Variants in ZW10 observed in about 807,000 individuals in gnomAD.
The protein encoded by ZW10 is centromere/kinetochore protein zw10 homolog.
A neutral mutation model predicts 87.8 loss-of-function variants in ZW10; 53 were observed. The ratio of observed to expected loss-of-function variants is 0.60; its 90% confidence interval spans 0.48 to 0.76. The LOEUF is 0.76. Among genes scored for constraint, ZW10 ranks in the 30% least tolerant of loss-of-function variants. The probability of loss-of-function intolerance (pLI) is 0.00; values close to 1 mark genes in which losing one functional copy is unlikely to be tolerated. For missense variants in ZW10, 837 were observed against 923.0 expected, an observed-to-expected ratio of 0.91 and a Z score of 1.21; for synonymous variants, 312 against 329.2, an observed-to-expected ratio of 0.95 and a Z score of 0.57.
chr11:113,751,643 G>A (rs1453708700), intron 7 of ZW10, among the ~76,000 whole-genome samples: 1 of 152,226 alleles, frequency 6.6e-6, no homozygotes, highest in Non-Finnish European at 1.5e-5. Flanking sequence ...TGGGAGCCAA[G>A]GAGGGCAGAT....
intron 1 of ZW10, chr11:113,770,018 G>T: frequency 5.7e-6 from 1 of 174,926 alleles, no homozygotes; most frequent in South Asian, 1.4e-4. Context: ...CAAAACAAAT[G>T]AGGACTGGTT....
At chr11:113,737,335 T>C (rs1953564643) in intron 14 of ZW10, among the ~76,000 whole-genome samples, 1 of 152,170 alleles carries the variant, frequency 6.6e-6, no homozygotes, top group Admixed American at 6.6e-5. Context: ...ACCCAGTTTC[T>C]AACTTCCTCA....
chr11:113,760,633 A>C (rs1953847477), intron 3 of ZW10, 43 bp from the exon 4 acceptor site: 1 of 1,510,168 alleles, frequency 6.6e-7, no homozygotes, highest in African/African-American at 1.4e-5. Context: ...TATTATTTCA[A>C]GTCTGTTTGC....
chr11:113,733,893 C>T, intron 15 of ZW10, 79 bp from the exon 16 acceptor site: 1 of 1,466,902 alleles, frequency 6.8e-7, no homozygotes, highest in Non-Finnish European at 9.1e-7. Flanking sequence ...CCTGTTTGAT[C>T]CAAATGCTTA....
chr11:113,739,157 C>T, intron 12 of ZW10, 56 bp downstream of exon 12: 2 of 1,580,662 alleles, frequency 1.3e-6, no homozygotes, highest in Non-Finnish European at 1.7e-6. Context: ...TATAAAGATA[C>T]TATGTTGACA....
intron 9 of ZW10, among the ~76,000 whole-genome samples, chr11:113,747,312 G>A (rs1013447825): frequency 3.3e-5 from 5 of 152,074 alleles, no homozygotes; most frequent in Admixed American, 1.3e-4. Flanking sequence ...ATTTATACAA[G>A]GCTTTCATGT....
At chr11:113,743,712 A>C in intron 10 of ZW10, 90 bp downstream of exon 10, 1 of 1,078,592 alleles carries the variant, frequency 9.3e-7, no homozygotes, top group Non-Finnish European at 1.4e-6. Flanking sequence ...TGAAAACCCA[A>C]AGAATTCCAG....
rs756500029 is a variant in ZW10 at position 113,760,366 on chromosome 11, T to G, written c.423A>C (p.Ala141=). The G allele has an allele frequency of 6.2e-7, 1 of 1,613,716 alleles. No individual in the cohort carries two copies. The highest frequency in any genetic ancestry group is 8.5e-7 in the Non-Finnish European group (1 of 1,179,978). The change falls in exon 5 of 16, where the codon GCA becomes GCC. Residue 141 remains alanine, a splice_region_variant and synonymous_variant. Transcript: ENST00000200135. ...YVTGAQRLEE[A]QKCLKLLKSR... is the part of the protein sequence containing the mutation. ...ATTTTAATAACTTCAAGCATTTCTGTGCCTGGTAACGAAATGGAATCACTG... is the reference window on the plus strand; with the variant it reads ...ATTTTAATAACTTCAAGCATTTCTGGGCCTGGTAACGAAATGGAATCACTG...
intron 1 of ZW10, among the ~76,000 whole-genome samples, 191 bp from the exon 2 acceptor site, chr11:113,769,158 T>A (rs886184041): frequency 6.6e-6 from 1 of 151,884 alleles, no homozygotes; most frequent in Non-Finnish European, 1.5e-5. Context: ...AGGGGTCTCA[T>A]AACATTATTA....
rs757627694 is a variant in ZW10 at position 113,747,720 on chromosome 11, T to C, written c.1090-7A>G. The stretch of plus-strand genomic sequence containing the variant: ...CTTCAGTGGACTGTATGATCTGAGA[T>C]ACAAAAGAAAAAAAAGAAAAGAATC... On this transcript the variant is annotated splice_polypyrimidine_tract_variant and splice_region_variant and intron_variant, in intron 8 of 15. Transcript: ENST00000200135. The C allele has an allele frequency of 3.2e-6, 5 of 1,570,530 alleles. 1 individual carries two copies. The South Asian group carries it at 4.7e-5, about 15-fold the overall frequency.
In ZW10 at chr11:113,733,441, G is replaced by A. The variant is rs1333980392; in HGVS notation, c.*253C>T. The A allele has an allele frequency of 2.2e-6, 1 of 465,106 alleles. No individual in the cohort carries two copies. The highest frequency in any genetic ancestry group is 3.8e-6 in the Non-Finnish European group (1 of 261,866). The allele number at this position is 465,106 out of a possible 1,614,324, so 28.8% of individuals were successfully genotyped here. A position where few individuals can be genotyped will look rare whatever the true frequency, so the allele number is the denominator to read the frequency against. On this transcript the variant is annotated 3_prime_UTR_variant, in exon 16 of 16. Coordinates refer to ENST00000200135, the MANE Select transcript of ZW10 (RefSeq NM_004724.4). ...ATGAAATAATGCTGCCTGACAGTTT[G>A]TTAGCTAATCAAAGGAAGATGGCTA...
chr11:113,756,245 G>C (rs1953783694), intron 7 of ZW10, among the ~76,000 whole-genome samples: 1 of 152,100 alleles, frequency 6.6e-6, no homozygotes, highest in African/African-American at 2.4e-5. Context: ...CCATCTGCAA[G>C]ATAAGAGAGG....
chr11:113,760,955 T>C lies in ZW10; in HGVS notation c.241-37A>G, dbSNP rs764071444. The C allele has an allele frequency of 2.0e-6, 3 of 1,526,784 alleles. No individual in the cohort carries two copies. The Admixed American group carries it at 5.5e-5, about 28-fold the overall frequency. The allele number at this position is 1,526,784 out of a possible 1,614,324, so 94.6% of individuals were successfully genotyped here. On this transcript the variant is annotated intron_variant, in intron 2 of 15. Coordinates refer to ENST00000200135, the MANE Select transcript of ZW10 (RefSeq NM_004724.4). ...ATCAAAAACAAGTACTTTTAAGCTATACCATACCTAAGAAATAAAAAATTT... is the reference window on the plus strand; with the variant it reads ...ATCAAAAACAAGTACTTTTAAGCTACACCATACCTAAGAAATAAAAAATTT...
intron 2 of ZW10, among the ~76,000 whole-genome samples, chr11:113,766,932 G>A (rs894412434): frequency 1.3e-5 from 2 of 152,010 alleles, no homozygotes; most frequent in Admixed American, 6.5e-5. Flanking sequence ...CAGGAGAATT[G>A]CTTGAACCCA....
chr11:113,769,984 G>T, intron 1 of ZW10: 1 of 201,694 alleles, frequency 5.0e-6, no homozygotes. Flanking sequence ...TGGCTTCACA[G>T]CCCCAAAACA....
intron 14 of ZW10, among the ~76,000 whole-genome samples, 163 bp downstream of exon 14, chr11:113,737,409 C>T (rs1319148936): frequency 6.7e-6 from 1 of 148,908 alleles, no homozygotes. Context: ...AGAGATTAAA[C>T]AGTTTCTAGC....
At chr11:113,766,819 C>T (rs1164247299) in intron 2 of ZW10, among the ~76,000 whole-genome samples, 1 of 148,998 alleles carries the variant, frequency 6.7e-6, no homozygotes, top group Non-Finnish European at 1.5e-5. Context: ...GAGTTTGAGA[C>T]TAGTCTGGCC....
chr11:113,740,816 C>T (rs1017448647), intron 11 of ZW10, among the ~76,000 whole-genome samples: 5 of 152,174 alleles, frequency 3.3e-5, no homozygotes, highest in South Asian at 2.1e-4. Flanking sequence ...AAGACTTCCA[C>T]GTGATTCTGA....
At chr11:113,735,587 G>T (rs1953542987) in intron 15 of ZW10, among the ~76,000 whole-genome samples, 1 of 152,014 alleles carries the variant, frequency 6.6e-6, no homozygotes, top group South Asian at 2.1e-4. Context: ...TACCTATAGG[G>T]ATGGAGATGA....
Sources: allele counts gnomAD v4.1 joint callset (sites outside exome capture counted in the v4.1 genomes callset), GRCh38; gene constraint gnomAD v4.1.1; transcripts MANE v1.5; gene names NCBI Gene and HGNC (gene_info 2026-07-23, HGNC 2026-07-21).